The following CCDC7 variants were observed in gnomAD, a reference collection of about 807,000 sequenced individuals.
The protein encoded by CCDC7 is coiled-coil domain containing 7, also known as coiled-coil domain-containing protein 7.
A neutral mutation model predicts 196.9 loss-of-function variants in CCDC7; 183 were observed. The ratio of observed to expected loss-of-function variants is 0.93; its 90% CI spans 0.82 to 1.05. The LOEUF is 1.05. Among genes scored for constraint, CCDC7 ranks in the 50% least tolerant of loss-of-function variants. The pLI is 0.00. For synonymous variants in CCDC7, 525 were observed against 484.6 expected (o/e 1.08, Z -1.10); for missense variants, 1,540 against 1,482.2 (o/e 1.04, Z -0.64).
exon 19 of CCDC7, chr10:32,634,271 G>C: frequency 8.3e-7 from 1 of 1,211,326 alleles, no homozygotes; most frequent in Non-Finnish European, 1.0e-6. Flanking sequence ...TGAAGTTCCA[G>C]ATGAAAATCT....
chr10:32,834,919 A>T, intron 33 of CCDC7, 21 bp downstream of exon 34: 1 of 1,104,520 alleles, frequency 9.1e-7, no homozygotes, highest in Non-Finnish European at 1.3e-6. Flanking sequence ...GAATTTTTCA[A>T]GTCTCCTGTT....
chr10:32,759,066 A>G (rs1185898904), intron 28 of CCDC7, among the ~76,000 whole-genome samples: 1 of 152,212 alleles, frequency 6.6e-6, no homozygotes, highest in Non-Finnish European at 1.5e-5. Flanking sequence ...AAGGAGAACT[A>G]CAAACCACTG....
chr10:32,851,861 A>G (rs375125247), exon 40 of CCDC7: 2 of 1,612,850 alleles, frequency 1.2e-6, no homozygotes, highest in South Asian at 1.1e-5. Context: ...AAAGCAATTT[A>G]TAGAACATAT....
chr10:32,711,506 A>G (rs1428529001), intron 24 of CCDC7, 114 bp from the exon 26 acceptor site: 4 of 631,482 alleles, frequency 6.3e-6, no homozygotes, highest in Non-Finnish European at 8.2e-6. Context: ...TAGTTTACTT[A>G]TAACTTTATA....
intron 25 of CCDC7, among the ~76,000 whole-genome samples, chr10:32,715,982 G>C (rs1050324173): frequency 6.6e-6 from 1 of 152,144 alleles, no homozygotes; most frequent in African/African-American, 2.4e-5. Context: ...ACATGCTGCA[G>C]GATATTATCC....
In CCDC7 at chr10:32,694,998, T is replaced by A; in HGVS notation, c.2458+6T>A. On this transcript the variant is annotated splice_donor_region_variant and intron_variant, in intron 24 of 41. Coordinates refer to ENST00000639629, the Ensembl canonical transcript of CCDC7. ...TAGAGAGAAAAGACATAGTAGTAAG[T>A]ATAATAATTATAGATAACTTAAAAA... 1 of 1,440,356 alleles carries A rather than the reference T, an allele frequency of 6.9e-7. No individual in the cohort carries two copies. Among genetic ancestry groups the A allele is most frequent in the Non-Finnish European group, 9.5e-7 (1 of 1,052,894 alleles). 89.2% of individuals were successfully genotyped at this position (1,440,356 alleles called of 1,614,324 possible). A position where few individuals can be genotyped will look rare whatever the true frequency, so the allele number is the denominator to read the frequency against.
At chr10:32,679,087 A>AG (rs1256466421) in intron 21 of CCDC7, among the ~76,000 whole-genome samples, 5 of 152,200 alleles carry the variant, frequency 3.3e-5, no homozygotes, top group African/African-American at 1.2e-4. Flanking sequence ...TTTGACCTAA[A>AG]GCATGTATAC....
At chr10:32,843,547 G>A (rs1403560451) in intron 33 of CCDC7, among the ~76,000 whole-genome samples, 2 of 151,882 alleles carry the variant, frequency 1.3e-5, no homozygotes, top group Non-Finnish European at 2.9e-5. Flanking sequence ...TGAATTCCAG[G>A]CAGGATCATA....
upstream of CCDC7, among the ~76,000 whole-genome samples, chr10:32,446,806 C>T (rs2133218950): frequency 6.6e-6 from 1 of 152,000 alleles, no homozygotes; most frequent in East Asian, 1.9e-4. Context: ...GTATTCATTG[C>T]GTGTGACTAT....
chr10:32,561,756 C>A lies in CCDC7; in HGVS notation c.1135-3802C>A, dbSNP rs532310192. Among the ~76,000 whole-genome samples the A allele has an allele frequency of 7.6e-3, 1,163 of 152,214 alleles. 21 individuals are homozygous for A. Among genetic ancestry groups the A allele is most frequent in the African/African-American group, 0.026 (1,074 of 41,518 alleles). On this transcript the variant is annotated intron_variant, in intron 13 of 41. Coordinates refer to ENST00000639629, the Ensembl canonical transcript of CCDC7. ...ATTAAAAGAACTAGAAAAGCAAGAG[C>A]AAACACATTCAAAAGCTAGCAGAAG...
chr10:32,655,525 TTTTG>T (rs1345763970), intron 20 of CCDC7, among the ~76,000 whole-genome samples: 5 of 152,104 alleles, frequency 3.3e-5, no homozygotes, highest in Admixed American at 6.6e-5. Flanking sequence ...TATGTGTCTT[TTTTG>T]TTTGTTTGTT....
At chr10:32,503,042 T>C (rs2044322130) in intron 9 of CCDC7, among the ~76,000 whole-genome samples, 1 of 152,172 alleles carries the variant, frequency 6.6e-6, no homozygotes. Flanking sequence ...TTCTGCAAGT[T>C]TTTGGGGACA....
intron 41 of CCDC7, among the ~76,000 whole-genome samples, chr10:32,862,716 A>G: frequency 6.6e-6 from 1 of 152,110 alleles, no homozygotes; most frequent in Non-Finnish European, 1.5e-5. Context: ...ACAAATTTGG[A>G]TTGCAACCAA....
intron 21 of CCDC7, among the ~76,000 whole-genome samples, chr10:32,674,271 T>A (rs2074557417): frequency 6.6e-6 from 1 of 152,014 alleles, no homozygotes; most frequent in Non-Finnish European, 1.5e-5. Context: ...TAAGTTTTGG[T>A]ATATTTTAGT....
chr10:32,814,271 G>C (rs1404400665), intron 30 of CCDC7, 99 bp from the exon 32 acceptor site: 11 of 864,806 alleles, frequency 1.3e-5, no homozygotes, highest in South Asian at 1.2e-4. Context: ...AATATTTTAA[G>C]TTAGTAACAC....
At chr10:32,722,094 A>T (rs376108419) in intron 25 of CCDC7, among the ~76,000 whole-genome samples, 2 of 152,238 alleles carry the variant, frequency 1.3e-5, no homozygotes, top group South Asian at 4.1e-4. Flanking sequence ...CTCAGAAATG[A>T]AATAGTTATA....
intron 15 of CCDC7, 139 bp from the exon 17 acceptor site, chr10:32,571,720 A>T: frequency 1.4e-6 from 1 of 698,650 alleles, no homozygotes; most frequent in Non-Finnish European, 2.1e-6. Context: ...AAATATGATA[A>T]TTTCTTTGCT....
intron 28 of CCDC7, among the ~76,000 whole-genome samples, chr10:32,747,627 C>A (rs575993290): frequency 6.6e-6 from 1 of 152,282 alleles, no homozygotes; most frequent in South Asian, 2.1e-4. Context: ...CATCTCTAAT[C>A]ATTAGAGAAA....
intron 11 of CCDC7, among the ~76,000 whole-genome samples, chr10:32,522,522 T>G (rs1465273462): frequency 6.6e-6 from 1 of 152,174 alleles, no homozygotes; most frequent in African/African-American, 2.4e-5. Context: ...TATCTCCTTT[T>G]TCATATCTGA....
Sources: gnomAD v4.1 joint callset for allele counts (sites outside exome capture counted in the v4.1 genomes callset) on GRCh38, gnomAD v4.1.1 for gene constraint, MANE v1.5 for transcripts, NCBI Gene and HGNC (gene_info 2026-07-23, HGNC 2026-07-21) for gene names.